SEMA5B: variants seen among roughly 807,000 people sequenced by gnomAD.
The protein encoded by SEMA5B is semaphorin 5B.
A neutral mutation model predicts 135.0 loss-of-function variants in SEMA5B; 66 were observed. That is an observed-to-expected ratio of 0.49 (90% CI 0.40 to 0.60). The LOEUF (loss-of-function observed/expected upper bound fraction) is 0.60, where lower values mean the gene tolerates loss of function less well. SEMA5B is among the 20% of genes least tolerant of loss of function. SEMA5B has a pLI of 0.00. For missense variants in SEMA5B, 1,501 were observed against 1,566.3 expected (o/e 0.96, Z 0.70); for synonymous variants, 690 against 639.5 (o/e 1.08, Z -1.19).
At chr3:122,997,347 C>G (rs950871277) in intron 1 of SEMA5B, among the ~76,000 whole-genome samples, 1 of 152,166 alleles carries the variant, frequency 6.6e-6, no homozygotes, top group Non-Finnish European at 1.5e-5. Flanking sequence ...AGCTCCTCCT[C>G]TTCTCGCCTA....
rs1560305722 is a variant in SEMA5B at position 122,926,282 on chromosome 3, C to T, written c.1136+110G>A. 3 of 1,071,892 alleles carry T rather than the reference C, an allele frequency of 2.8e-6. No homozygotes were observed. The East Asian group carries it at 7.8e-5, about 28-fold the overall frequency. 66.4% of individuals were successfully genotyped at this position (1,071,892 alleles called of 1,614,324 possible). A position where few individuals can be genotyped will look rare whatever the true frequency, so the allele number is the denominator to read the frequency against. On this transcript the variant is annotated intron_variant, in intron 9 of 22. Transcript: ENST00000357599. ...TAAGTCACAAAATCCTCAGATGACC[C>T]CCGGCAGGAGGCACGGCAGTCCCCA... is the stretch of plus-strand genomic sequence containing the variant.
chr3:123,000,906 T>C (rs1942155087), intron 1 of SEMA5B, among the ~76,000 whole-genome samples: 1 of 152,182 alleles, frequency 6.6e-6, no homozygotes, highest in Non-Finnish European at 1.5e-5. Flanking sequence ...CTGCTCCAGG[T>C]GGAGAACCAC....
intron 5 of SEMA5B, among the ~76,000 whole-genome samples, chr3:122,936,743 AT>A (rs1299244291): frequency 6.6e-6 from 1 of 152,204 alleles, no homozygotes; most frequent in African/African-American, 2.4e-5. Flanking sequence ...AGTTACACTG[AT>A]AAATAACCAC....
At chr3:122,963,786 TG>T (rs749935172) in intron 1 of SEMA5B, among the ~76,000 whole-genome samples, 1 of 152,228 alleles carries the variant, frequency 6.6e-6, no homozygotes, top group African/African-American at 2.4e-5. Flanking sequence ...ATAAAAATAT[TG>T]AACCCTGTTT....
chr3:122,954,667 G>A (rs572851036), intron 2 of SEMA5B, among the ~76,000 whole-genome samples: 7 of 152,322 alleles, frequency 4.6e-5, no homozygotes, highest in Non-Finnish European at 8.8e-5. Context: ...GAGGAATGGT[G>A]CCACAGTAGC....
At chr3:123,014,474 AAG>A (rs1942507293) in intron 1 of SEMA5B, among the ~76,000 whole-genome samples, 1 of 152,234 alleles carries the variant, frequency 6.6e-6, no homozygotes, top group Non-Finnish European at 1.5e-5. Context: ...ATAAGCTAGA[AAG>A]AGGAAGCTGG....
intron 5 of SEMA5B, among the ~76,000 whole-genome samples, chr3:122,936,534 AGGATATCT>A (rs1310804301): frequency 6.6e-6 from 1 of 152,194 alleles, no homozygotes; most frequent in Non-Finnish European, 1.5e-5. Context: ...TCTGCCTCGC[AGGATATCT>A]GGCAAACCAA....
intron 9 of SEMA5B, among the ~76,000 whole-genome samples, chr3:122,924,413 C>G (rs574333406): frequency 6.6e-6 from 1 of 152,318 alleles, no homozygotes; most frequent in Admixed American, 6.5e-5. Context: ...TTCAGCCCCC[C>G]TCTAGTCCCC....
chr3:122,912,181 C>T lies in SEMA5B; in HGVS notation c.2887G>A (p.Ala963Thr). The change falls in exon 19 of 23, where the codon GCC becomes ACC. Residue 963 changes from alanine to threonine, a missense_variant. By Grantham distance (58) the Ala-to-Thr change is moderately conservative (BLOSUM62 0). Coordinates refer to ENST00000357599, the MANE Select transcript of SEMA5B (RefSeq NM_001031702.4). ...GGGATGTGCCTCATACCTGGGCAGGCCTGTGTGGCACATAGTGCCTCCTCC... is the reference window on the plus strand; with the variant it reads ...GGGATGTGCCTCATACCTGGGCAGGTCTGTGTGGCACATAGTGCCTCCTCC... ...HTEEALCATQ[A>T]CPEGWSPWSE... 6.3e-7 allele frequency: 1 copy of T among 1,591,988 alleles called. No homozygotes were observed. Among genetic ancestry groups the T allele is most frequent in the East Asian group, 2.2e-5 (1 of 44,500 alleles).
chr3:122,979,110 G>A (rs1941436413), intron 1 of SEMA5B, among the ~76,000 whole-genome samples: 1 of 152,186 alleles, frequency 6.6e-6, no homozygotes, highest in African/African-American at 2.4e-5. Flanking sequence ...AGAACAATGG[G>A]ATAAATGGGA....
intron 2 of SEMA5B, among the ~76,000 whole-genome samples, chr3:122,956,798 C>T (rs967720902): frequency 1.3e-5 from 2 of 152,116 alleles, no homozygotes; most frequent in Non-Finnish European, 2.9e-5. Context: ...AAGACAGATG[C>T]ATGGGTAGAG....
intron 2 of SEMA5B, among the ~76,000 whole-genome samples, chr3:122,954,056 T>C (rs1365710499): frequency 6.6e-6 from 1 of 152,186 alleles, no homozygotes. Context: ...TCTTCTGTTT[T>C]TTGTTTGTTT....
At chr3:122,957,213 G>A (rs2107589574) in intron 2 of SEMA5B, among the ~76,000 whole-genome samples, 1 of 152,378 alleles carries the variant, frequency 6.6e-6, no homozygotes, top group East Asian at 1.9e-4. Context: ...CATGCTTTGG[G>A]AAGTTTGGTG....
intron 1 of SEMA5B, among the ~76,000 whole-genome samples, chr3:123,015,951 C>T (rs1396380546): frequency 9.2e-5 from 14 of 152,174 alleles, no homozygotes; most frequent in South Asian, 8.3e-4. Flanking sequence ...TCTATGGCTT[C>T]GGCAGATTAA....
At position 122,955,533 on chromosome 3, in the gene SEMA5B, A is replaced by T. The variant is rs72970547; in HGVS notation, c.124+5607T>A. Reference sequence around the variant, plus strand: ...CCAAATACTCCCAAGACAAACAGAAATTTCTATTTCTAACACGTCTGTCTG... The same window carrying T: ...CCAAATACTCCCAAGACAAACAGAATTTTCTATTTCTAACACGTCTGTCTG... On this transcript the variant is annotated intron_variant, in intron 2 of 22. Coordinates refer to ENST00000357599, the MANE Select transcript of SEMA5B (RefSeq NM_001031702.4). 5.3e-3 allele frequency among the ~76,000 whole-genome samples: 801 copies of T among 152,288 alleles called. 13 individuals are homozygous for T. The highest frequency in any genetic ancestry group is 0.019 in the African/African-American group (769 of 41,546).
At chr3:123,010,577 G>A (rs930643403) in intron 1 of SEMA5B, among the ~76,000 whole-genome samples, 7 of 152,248 alleles carry the variant, frequency 4.6e-5, no homozygotes, top group Admixed American at 3.3e-4. Flanking sequence ...TTGGGAGGCT[G>A]AGGCAGGCAG....
intron 1 of SEMA5B, among the ~76,000 whole-genome samples, chr3:122,979,247 G>A (rs1414125279): frequency 6.6e-6 from 1 of 152,160 alleles, no homozygotes; most frequent in Non-Finnish European, 1.5e-5. Flanking sequence ...GACCCGCCGA[G>A]GAGAACATTC....
intron 1 of SEMA5B, among the ~76,000 whole-genome samples, chr3:123,007,078 C>A (rs1392868329): frequency 1.3e-5 from 2 of 152,278 alleles, no homozygotes; most frequent in African/African-American, 4.8e-5. Context: ...ACAATGTTAC[C>A]CTTGCCCTCT....
chr3:122,964,856 T>C (rs939078270), intron 1 of SEMA5B, among the ~76,000 whole-genome samples: 1 of 152,214 alleles, frequency 6.6e-6, no homozygotes, highest in Non-Finnish European at 1.5e-5. Context: ...TTAACAGAGT[T>C]AAACATCTGG....
Sources: gnomAD v4.1 joint callset for allele counts (sites outside exome capture counted in the v4.1 genomes callset) on GRCh38, gnomAD v4.1.1 for gene constraint, MANE v1.5 for transcripts, NCBI Gene and HGNC (gene_info 2026-07-23, HGNC 2026-07-21) for gene names.